GPC5: variants seen among roughly 807,000 people sequenced by gnomAD.
GPC5 encodes glypican 5.
GPC5 carries 47 observed loss-of-function variants against 53.9 expected under a neutral mutation model. The observed-to-expected ratio is 0.87, with a 90% CI of 0.69 to 1.11. The LOEUF (loss-of-function observed/expected upper bound fraction) is 1.11, where lower values mean the gene tolerates loss of function less well. Among genes scored for constraint, GPC5 ranks in the 50% most tolerant of loss-of-function variants. The probability of loss-of-function intolerance (pLI) is 0.00; values close to 1 mark genes in which losing one functional copy is unlikely to be tolerated. For missense variants in GPC5, 748 were observed against 713.1 expected (o/e 1.05, Z -0.56); for synonymous variants, 286 against 263.3 (o/e 1.09, Z -0.84).
At chr13:91,626,759 T>G (rs1254394937) in intron 2 of GPC5, among the ~76,000 whole-genome samples, 6 of 152,070 alleles carry the variant, frequency 3.9e-5, no homozygotes. Flanking sequence ...CACGTTGGTG[T>G]GCTGCACCCA....
chr13:92,335,524 T>G (rs904957516), intron 7 of GPC5, among the ~76,000 whole-genome samples: 3 of 152,184 alleles, frequency 2.0e-5, no homozygotes, highest in South Asian at 4.1e-4. Flanking sequence ...TCATTACCTA[T>G]GCAAATTTCT....
At chr13:91,632,303 G>A (rs9515962) in intron 2 of GPC5, among the ~76,000 whole-genome samples, 39,334 of 151,914 alleles carry the variant, frequency 0.26, 6,638 homozygotes, top group African/African-American at 0.49. Flanking sequence ...TGTGTCCTTA[G>A]GGAATATGCC....
At chr13:92,064,472 A>G (rs1454050568) in intron 6 of GPC5, among the ~76,000 whole-genome samples, 1 of 152,154 alleles carries the variant, frequency 6.6e-6, no homozygotes, top group East Asian at 1.9e-4. Flanking sequence ...AAAACCTCAG[A>G]GGCGGCCTGG....
At chr13:91,858,427 C>T (rs7984476) in intron 5 of GPC5, among the ~76,000 whole-genome samples, 20,309 of 151,718 alleles carry the variant, frequency 0.13, 1,492 homozygotes, top group African/African-American at 0.19. Context: ...AATGATCATG[C>T]GGTTTTTGTC....
At chr13:92,500,415 C>A (rs1880138850) in intron 7 of GPC5, among the ~76,000 whole-genome samples, 1 of 152,134 alleles carries the variant, frequency 6.6e-6, no homozygotes, top group African/African-American at 2.4e-5. Context: ...GCCGGACCCC[C>A]AGGAGTAGAG....
intron 5 of GPC5, among the ~76,000 whole-genome samples, chr13:91,877,245 C>T (rs1594634980): frequency 1.3e-5 from 2 of 152,306 alleles, no homozygotes; most frequent in East Asian, 3.9e-4. Context: ...CCTAGTGAAG[C>T]TGTGAGAAGA....
intron 7 of GPC5, among the ~76,000 whole-genome samples, chr13:92,413,801 G>A (rs746169669): frequency 2.0e-5 from 3 of 152,192 alleles, no homozygotes; most frequent in Admixed American, 1.3e-4. Context: ...TGCAAAAGCA[G>A]GATGAGAAGA....
chr13:92,339,846 CCTT>C (rs1475658492), intron 7 of GPC5: 1 of 152,056 alleles, frequency 6.6e-6, no homozygotes, highest in African/African-American at 2.4e-5. Flanking sequence ...CTAATCAACA[CCTT>C]ATAATTATCA....
intron 3 of GPC5, among the ~76,000 whole-genome samples, chr13:91,716,881 G>A (rs1054677454): frequency 1.3e-5 from 2 of 152,158 alleles, no homozygotes; most frequent in Non-Finnish European, 2.9e-5. Flanking sequence ...GAGTTATTGA[G>A]AACAAAAGTA....
intron 7 of GPC5, among the ~76,000 whole-genome samples, chr13:92,196,904 T>C (rs146048104): frequency 6.6e-6 from 1 of 152,236 alleles, no homozygotes; most frequent in Non-Finnish European, 1.5e-5. Context: ...TATTTTATCC[T>C]GAATGACATG....
At chr13:91,450,906 C>A (rs1488144405) in intron 2 of GPC5, among the ~76,000 whole-genome samples, 1 of 152,082 alleles carries the variant, frequency 6.6e-6, no homozygotes, top group Non-Finnish European at 1.5e-5. Flanking sequence ...TATAAGAATA[C>A]CCACTTTTAT....
At chr13:92,017,738 TAC>T (rs768366487) in intron 6 of GPC5, among the ~76,000 whole-genome samples, 56 of 151,664 alleles carry the variant, frequency 3.7e-4, no homozygotes, top group African/African-American at 1.4e-3. Flanking sequence ...CATGCACAAG[TAC>T]ACACACACTT....
At chr13:92,793,503 A>G (rs907926138) in intron 7 of GPC5, among the ~76,000 whole-genome samples, 22 of 152,130 alleles carry the variant, frequency 1.4e-4, no homozygotes, top group Non-Finnish European at 2.8e-4. Context: ...ACAAATTCAA[A>G]AGCTACCAGA....
At chr13:92,222,149 C>A (rs1016786054) in intron 7 of GPC5, among the ~76,000 whole-genome samples, 9 of 152,096 alleles carry the variant, frequency 5.9e-5, no homozygotes, top group African/African-American at 2.2e-4. Context: ...CCGATCAATT[C>A]TATAATCTGT....
At chr13:92,580,822 C>A (rs1488556422) in intron 7 of GPC5, among the ~76,000 whole-genome samples, 2 of 152,134 alleles carry the variant, frequency 1.3e-5, no homozygotes. Flanking sequence ...CCAGTCACCT[C>A]CTACCAGGCC....
At chr13:92,013,647 C>G (rs1035212251) in intron 6 of GPC5, among the ~76,000 whole-genome samples, 4 of 152,184 alleles carry the variant, frequency 2.6e-5, no homozygotes, top group African/African-American at 9.7e-5. Flanking sequence ...TCACCAGGGA[C>G]CTGCCCCTGT....
chr13:91,576,032 T>G (rs991272998), intron 2 of GPC5, among the ~76,000 whole-genome samples: 1 of 152,020 alleles, frequency 6.6e-6, no homozygotes, highest in Non-Finnish European at 1.5e-5. Context: ...ATGAAAGAAG[T>G]AGTAGGTAGA....
chr13:92,381,829 ATATAT>A (rs1403424937), intron 7 of GPC5, among the ~76,000 whole-genome samples: 1 of 90,444 alleles, frequency 1.1e-5, no homozygotes, highest in African/African-American at 4.0e-5. Context: ...ATATAATCAT[ATATAT>A]TATATTGTAT....
At chr13:91,625,169 A>C (rs2033965870) in intron 2 of GPC5, among the ~76,000 whole-genome samples, 1 of 151,802 alleles carries the variant, frequency 6.6e-6, no homozygotes, top group Admixed American at 6.6e-5. Context: ...GCATAAAACT[A>C]CATAGGCCAA....
Sources: gnomAD v4.1 joint callset for allele counts (sites outside exome capture counted in the v4.1 genomes callset) on GRCh38, gnomAD v4.1.1 for gene constraint, MANE v1.5 for transcripts, NCBI Gene and HGNC (gene_info 2026-07-23, HGNC 2026-07-21) for gene names.